Variants in PDGFC observed in about 807,000 individuals in gnomAD.
PDGFC encodes platelet-derived growth factor C.
A neutral mutation model predicts 35.5 loss-of-function variants in PDGFC; 12 were observed. That is an observed-to-expected ratio of 0.34 (90% CI 0.22 to 0.55). The LOEUF (loss-of-function observed/expected upper bound fraction) is 0.55. PDGFC is among the 20% of genes least tolerant of loss of function. The pLI is 0.91. For synonymous variants in PDGFC, 159 were observed against 148.8 expected, an observed-to-expected ratio of 1.07 and a Z score of -0.50; for missense variants, 322 against 412.4, an observed-to-expected ratio of 0.78 and a Z score of 1.90.
intron 1 of PDGFC, among the ~76,000 whole-genome samples, chr4:156,906,142 CAAGT>C (rs1048827662): frequency 6.6e-6 from 1 of 152,046 alleles, no homozygotes; most frequent in Non-Finnish European, 1.5e-5. Flanking sequence ...ATTTTCAAAA[CAAGT>C]AAGAATATTT....
At chr4:156,904,360 C>T (rs1297668387) in intron 1 of PDGFC, among the ~76,000 whole-genome samples, 1 of 152,054 alleles carries the variant, frequency 6.6e-6, no homozygotes, top group East Asian at 1.9e-4. Flanking sequence ...GTGCTTCTAA[C>T]ACTGTTAAAA....
intron 3 of PDGFC, among the ~76,000 whole-genome samples, chr4:156,782,384 G>A (rs112221620): frequency 0.068 from 10,376 of 152,132 alleles, 451 homozygotes; most frequent in Middle Eastern, 0.12. Flanking sequence ...CATGTCACTG[G>A]TATCTTAATT....
At chr4:156,812,341 T>A (rs2110948821) in intron 2 of PDGFC, among the ~76,000 whole-genome samples, 1 of 152,250 alleles carries the variant, frequency 6.6e-6, no homozygotes, top group African/African-American at 2.4e-5. Context: ...TGAAACAGAT[T>A]ATTTTAATAT....
chr4:156,918,676 T>C (rs1731204939), intron 1 of PDGFC, among the ~76,000 whole-genome samples: 1 of 152,190 alleles, frequency 6.6e-6, no homozygotes. Context: ...TGCCTGATGA[T>C]CTGAGGTGGA....
Position 156,790,925 on chromosome 4 carries a change from C to T in PDGFC, c.496-18032G>A, listed in dbSNP as rs189668750. ...GATCTGAATCTTTTTTCCTGCCTGGCTTTTGCATTTTACATCCTACATTGG... is the reference window on the plus strand; with the variant it reads ...GATCTGAATCTTTTTTCCTGCCTGGTTTTTGCATTTTACATCCTACATTGG... On this transcript the variant is annotated intron_variant, in intron 3 of 5. Transcript: ENST00000502773. Among the ~76,000 whole-genome samples the T allele has an allele frequency of 2.6e-3, 391 of 152,248 alleles. 3 individuals are homozygous for T. Among genetic ancestry groups the T allele is most frequent in the African/African-American group, 9.0e-3 (373 of 41,536 alleles).
At chr4:156,779,167 A>G (rs762545365) in intron 3 of PDGFC, 61 of 456,188 alleles carry the variant, frequency 1.3e-4, no homozygotes, top group South Asian at 4.2e-4. Context: ...TTCTGTAAAG[A>G]CACAAGAATG....
In PDGFC at chr4:156,762,661, T is replaced by G. The variant is rs1730407610; in HGVS notation, c.*429A>C. 6.5e-6 allele frequency: 1 copy of G among 153,910 alleles called. No homozygotes were observed. The highest frequency in any genetic ancestry group is 6.5e-5 in the Admixed American group (1 of 15,394). The allele number at this position is 153,910 out of a possible 1,614,324, so 9.5% of individuals were successfully genotyped here. ...AAAAAAATCCAGATTTTATACGATT[T>G]TAGGCCCAGGACATGGAGCTTTAGA... On this transcript the variant is annotated 3_prime_UTR_variant, in exon 6 of 6. Coordinates refer to ENST00000502773, the MANE Select transcript of PDGFC (RefSeq NM_016205.3).
chr4:156,927,251 G>A (rs1731436604), intron 1 of PDGFC, among the ~76,000 whole-genome samples: 1 of 152,272 alleles, frequency 6.6e-6, no homozygotes, highest in Non-Finnish European at 1.5e-5. Flanking sequence ...TCTGTGATGG[G>A]AGGGGCTGCC....
chr4:156,922,817 G>T, intron 1 of PDGFC, among the ~76,000 whole-genome samples: 1 of 152,138 alleles, frequency 6.6e-6, no homozygotes, highest in Non-Finnish European at 1.5e-5. Context: ...GGTCAAAAAA[G>T]AAGAAAAACA....
chr4:156,863,756 G>A (rs1421664264), intron 1 of PDGFC, among the ~76,000 whole-genome samples: 1 of 152,020 alleles, frequency 6.6e-6, no homozygotes, highest in Non-Finnish European at 1.5e-5. Context: ...CTCTTAAAAA[G>A]TGGTAAATTT....
intron 2 of PDGFC, among the ~76,000 whole-genome samples, chr4:156,848,921 A>G (rs1729388448): frequency 6.6e-6 from 1 of 152,010 alleles, no homozygotes; most frequent in Non-Finnish European, 1.5e-5. Context: ...AGTGACTGCT[A>G]CTTTTGTAAT....
chr4:156,804,551 C>A (rs1470478589), intron 3 of PDGFC, among the ~76,000 whole-genome samples: 2 of 151,902 alleles, frequency 1.3e-5, no homozygotes, highest in African/African-American at 2.4e-5. Flanking sequence ...TTCTCAAAAT[C>A]TTTCCAAACC....
At chr4:156,846,995 C>T (rs564519729) in intron 2 of PDGFC, among the ~76,000 whole-genome samples, 19 of 151,346 alleles carry the variant, frequency 1.3e-4, no homozygotes, top group Non-Finnish European at 2.5e-4. Flanking sequence ...ATAGATTTTG[C>T]TTATAACACA....
rs1041418381 is a variant in PDGFC at position 156,823,559 on chromosome 4, T to A, written c.315-12542A>T. On this transcript the variant is annotated intron_variant, in intron 2 of 5. Coordinates refer to ENST00000502773, the MANE Select transcript of PDGFC (RefSeq NM_016205.3). ...GCTCCTCATGCAAAGATCACTACTTTAAAAAAAATAATTTTAATTGAAAAA... is the reference window on the plus strand; with the variant it reads ...GCTCCTCATGCAAAGATCACTACTTAAAAAAAAATAATTTTAATTGAAAAA... 1.2e-4 allele frequency among the ~76,000 whole-genome samples: 18 copies of A among 152,190 alleles called. 1 individual carries two copies. Among genetic ancestry groups the A allele is most frequent in the Admixed American group, 9.8e-4 (15 of 15,290 alleles).
chr4:156,881,354 T>A (rs1217122785), intron 1 of PDGFC, among the ~76,000 whole-genome samples: 1 of 152,212 alleles, frequency 6.6e-6, no homozygotes, highest in African/African-American at 2.4e-5. Flanking sequence ...TATAGGGTGG[T>A]ACAAATGTAA....
Position 156,850,273 on chromosome 4 carries a change from G to C in PDGFC, c.262C>G (p.Leu88Val). 1 of 1,608,448 alleles carries C rather than the reference G, an allele frequency of 6.2e-7. No individual in the cohort carries two copies. The highest frequency in any genetic ancestry group is 2.2e-5 in the East Asian group (1 of 44,700). ...VAVEENVWIQ[L>V]TFDERFGLED... The stretch of plus-strand genomic sequence containing the variant: ...AGCCCAAATCTTTCATCAAACGTAA[G>C]TTGTATCCATACATTTTCCTCTACT... Residue 88 changes from leucine (L) to valine (V), a missense_variant, in exon 2 of 6, where the codon CTT becomes GTT. Leu to Val is a conservative substitution (Grantham distance 32). This residue lies in a region of PDGFC where 120 missense variants were observed against 116.6 expected (regional missense o/e 1.03). Transcript: ENST00000502773.
At chr4:156,970,432 A>G (rs934209382) in intron 1 of PDGFC, among the ~76,000 whole-genome samples, 1 of 152,180 alleles carries the variant, frequency 6.6e-6, no homozygotes, top group Non-Finnish European at 1.5e-5. Context: ...AAAGTCAAAC[A>G]TGCCAAGGCT....
At chr4:156,823,496 A>T (rs1321288773) in intron 2 of PDGFC, among the ~76,000 whole-genome samples, 1 of 152,230 alleles carries the variant, frequency 6.6e-6, no homozygotes, top group Non-Finnish European at 1.5e-5. Context: ...CATGCAACCT[A>T]TGGAAGACTT....
intron 1 of PDGFC, among the ~76,000 whole-genome samples, chr4:156,935,186 C>T (rs910583490): frequency 5.3e-5 from 8 of 152,016 alleles, no homozygotes; most frequent in South Asian, 2.1e-4. Context: ...TTCATACAGA[C>T]GGGGTTTCAC....
Sources: allele counts gnomAD v4.1 joint callset (sites outside exome capture counted in the v4.1 genomes callset), GRCh38; gene constraint gnomAD v4.1.1; regional missense constraint gnomAD v4.1.1; transcripts MANE v1.5; gene names NCBI Gene and HGNC (gene_info 2026-07-23, HGNC 2026-07-21).